Variants in FAM193A observed in about 807,000 individuals in gnomAD.
FAM193A encodes protein FAM193A.
In FAM193A, 22 loss-of-function variants were observed where a neutral mutation model predicts 126.5. That is an observed-to-expected ratio of 0.17 (90% CI 0.12 to 0.25). FAM193A has a LOEUF of 0.25. FAM193A is among the 10% of genes least tolerant of loss of function. The probability of loss-of-function intolerance (pLI) is 1.00; values close to 1 mark genes in which losing one functional copy is unlikely to be tolerated. For missense variants in FAM193A, 1,675 were observed against 1,672.8 expected (o/e 1.00, Z -0.02); for synonymous variants, 761 against 646.8 (o/e 1.18, Z -2.68).
intron 12 of FAM193A, among the ~76,000 whole-genome samples, chr4:2,668,269 A>G (rs1444826997): frequency 4.0e-5 from 6 of 148,330 alleles, no homozygotes; most frequent in African/African-American, 1.0e-4. Context: ...GCTGGAGTGC[A>G]GTGGCGCAAT....
In FAM193A at chr4:2,626,590, C is replaced by T. The variant is rs922335056; in HGVS notation, c.803+13C>T. The T allele has an allele frequency of 1.5e-6, 1 of 686,062 alleles. No individual in the cohort carries two copies. Among genetic ancestry groups the T allele is most frequent in the Non-Finnish European group, 2.7e-6 (1 of 372,162 alleles). The allele number at this position is 686,062 out of a possible 1,614,324, so 42.5% of individuals were successfully genotyped here. On this transcript the variant is annotated intron_variant, in intron 4 of 20. Transcript: ENST00000637812. ...AGCTCGTGGATAGGTACATACTGCC[C>T]TTTCCTGTTGTGGCCCCATGCAAAC...
At chr4:2,706,818 C>T (rs1389094739) in intron 19 of FAM193A, among the ~76,000 whole-genome samples, 1 of 151,452 alleles carries the variant, frequency 6.6e-6, no homozygotes, top group Non-Finnish European at 1.5e-5. Context: ...CATCAATGTG[C>T]CTGGCTCCAT....
intron 1 of FAM193A, among the ~76,000 whole-genome samples, chr4:2,566,051 C>CTTTTTTTTTTT (rs564664549): frequency 2.1e-5 from 3 of 142,676 alleles, no homozygotes; most frequent in African/African-American, 5.2e-5. Flanking sequence ...TGGAAAATTG[C>CTTTTTTTTTTT]TTTTTTTTTT....
At chr4:2,603,065 T>C (rs1361879415) in intron 2 of FAM193A, among the ~76,000 whole-genome samples, 1 of 145,608 alleles carries the variant, frequency 6.9e-6, no homozygotes, top group Non-Finnish European at 1.5e-5. Flanking sequence ...GCCTTCTGGG[T>C]TCACGCCATT....
At chr4:2,621,395 A>G (rs942490488) in intron 2 of FAM193A, among the ~76,000 whole-genome samples, 4 of 152,302 alleles carry the variant, frequency 2.6e-5, no homozygotes, top group Admixed American at 6.5e-5. Flanking sequence ...ACAGTATTCT[A>G]CAGTCTACCA....
chr4:2,562,902 A>C (rs1738711352), intron 1 of FAM193A, among the ~76,000 whole-genome samples: 1 of 151,082 alleles, frequency 6.6e-6, no homozygotes, highest in African/African-American at 2.4e-5. Context: ...TGCTGGGATT[A>C]CAGGCGTGAG....
chr4:2,615,850 G>A (rs550663666), intron 2 of FAM193A, among the ~76,000 whole-genome samples: 2 of 150,252 alleles, frequency 1.3e-5, no homozygotes, highest in Non-Finnish European at 3.0e-5. Context: ...CTCAGTCTGT[G>A]CCCAGGCTGG....
chr4:2,667,488 C>T (rs983159384), intron 12 of FAM193A, among the ~76,000 whole-genome samples: 5 of 152,102 alleles, frequency 3.3e-5, no homozygotes, highest in Admixed American at 6.6e-5. Context: ...TTGGTTCATG[C>T]ATTTGGGGGT....
intron 6 of FAM193A, among the ~76,000 whole-genome samples, chr4:2,641,350 T>C (rs1454424699): frequency 6.6e-6 from 1 of 151,976 alleles, no homozygotes; most frequent in South Asian, 2.1e-4. Context: ...CCCAATCTGC[T>C]TTTTTTCTCT....
At chr4:2,574,255 G>T (rs1293774376) in intron 1 of FAM193A, among the ~76,000 whole-genome samples, 2 of 152,044 alleles carry the variant, frequency 1.3e-5, no homozygotes, top group African/African-American at 4.8e-5. Context: ...GGGGCGAGGG[G>T]TCTCTTCTGT....
At chr4:2,664,586 A>G (rs1423671602) in intron 12 of FAM193A, among the ~76,000 whole-genome samples, 2 of 16,662 alleles carry the variant, frequency 1.2e-4, no homozygotes, top group African/African-American at 4.2e-4. Context: ...TTTTTTTTTG[A>G]GATGGAGTCT....
At chr4:2,540,520 G>T (rs967896267) in intron 1 of FAM193A, among the ~76,000 whole-genome samples, 1 of 138,336 alleles carries the variant, frequency 7.2e-6, no homozygotes. Flanking sequence ...GGTGGCGGGC[G>T]CCCTGTAGTC....
chr4:2,727,042 C>T lies in FAM193A; in HGVS notation c.4455-4733C>T, dbSNP rs1029679227. ...TTGGGAGGCCAAAGCGGGCGGATCACGAGGTCAAGAGATAGAGACCATTCT... is the reference window on the plus strand; with the variant it reads ...TTGGGAGGCCAAAGCGGGCGGATCATGAGGTCAAGAGATAGAGACCATTCT... On this transcript the variant is annotated intron_variant, in intron 20 of 20. Coordinates refer to ENST00000637812, the MANE Select transcript of FAM193A (RefSeq NM_001366318.2). Among the ~76,000 whole-genome samples, 10 of 151,610 alleles carry T rather than the reference C, an allele frequency of 6.6e-5. No homozygotes were observed. In the South Asian group the frequency reaches 1.0e-3, roughly 16 times the overall value.
intron 18 of FAM193A, among the ~76,000 whole-genome samples, chr4:2,699,446 C>CCCCCACA (rs748329252): frequency 4.6e-4 from 48 of 103,496 alleles, no homozygotes; most frequent in African/African-American, 1.4e-3. Context: ...ACCCCCCCCC[C>CCCCCACA]CACACACACA....
At chr4:2,582,228 A>T (rs1426108289) in intron 1 of FAM193A, among the ~76,000 whole-genome samples, 4 of 151,898 alleles carry the variant, frequency 2.6e-5, no homozygotes, top group Non-Finnish European at 5.9e-5. Context: ...ATCACAGCTC[A>T]CTGCAGCTTC....
chr4:2,645,648 T>A (rs536296156), intron 6 of FAM193A, among the ~76,000 whole-genome samples: 2 of 152,260 alleles, frequency 1.3e-5, no homozygotes, highest in South Asian at 4.1e-4. Context: ...TGTCTCAGCC[T>A]CCTGAGTAGC....
intron 1 of FAM193A, among the ~76,000 whole-genome samples, chr4:2,538,337 G>A (rs1482271015): frequency 6.6e-6 from 1 of 151,996 alleles, no homozygotes; most frequent in Non-Finnish European, 1.5e-5. Context: ...GAGTAGCTGG[G>A]ACTACAGGCA....
intron 13 of FAM193A, among the ~76,000 whole-genome samples, chr4:2,677,294 T>G (rs545153286): frequency 2.1e-4 from 32 of 152,316 alleles, no homozygotes; most frequent in Middle Eastern, 3.4e-3. Context: ...TCTGTTCTGT[T>G]CCATTGGTCT....
chr4:2,642,988 C>T (rs1443277193), intron 6 of FAM193A, among the ~76,000 whole-genome samples: 3 of 151,974 alleles, frequency 2.0e-5, no homozygotes, highest in Non-Finnish European at 4.4e-5. Flanking sequence ...TCCGTTTGCT[C>T]ATTGGGTATG....
Sources: gnomAD v4.1 joint callset for allele counts (sites outside exome capture counted in the v4.1 genomes callset) on GRCh38, gnomAD v4.1.1 for gene constraint, MANE v1.5 for transcripts, NCBI Gene and HGNC (gene_info 2026-07-23, HGNC 2026-07-21) for gene names.